The following RARB variants were observed in gnomAD, a reference collection of about 807,000 sequenced individuals.
The protein encoded by RARB is HBV-activated protein.
A neutral mutation model predicts 51.9 loss-of-function variants in RARB; 17 were observed. The ratio of observed to expected loss-of-function variants is 0.33; its 90% CI spans 0.22 to 0.49. The LOEUF is 0.49. RARB is among the 20% of genes least tolerant of loss of function. The probability of loss-of-function intolerance (pLI) is 0.99; values close to 1 mark genes in which losing one functional copy is unlikely to be tolerated. For missense variants in RARB, 369 were observed against 550.8 expected (o/e 0.67, Z 3.30); for synonymous variants, 215 against 195.4 (o/e 1.10, Z -0.84).
intron 5 of RARB, among the ~76,000 whole-genome samples, chr3:25,330,579 T>C: frequency 6.6e-6 from 1 of 152,100 alleles, no homozygotes; most frequent in East Asian, 1.9e-4. Flanking sequence ...GTAAAGACTA[T>C]CAATTCTAGG....
At chr3:24,858,004 A>G (rs576601607) in intron 1 of RARB, among the ~76,000 whole-genome samples, 1 of 152,324 alleles carries the variant, frequency 6.6e-6, no homozygotes, top group South Asian at 2.1e-4. Context: ...GAGGCAAGTT[A>G]TTTAGCTTCC....
chr3:24,902,652 C>G (rs1412868915), intron 2 of RARB, among the ~76,000 whole-genome samples: 1 of 151,944 alleles, frequency 6.6e-6, no homozygotes, highest in African/African-American at 2.4e-5. Flanking sequence ...AAAGAATGCT[C>G]TGGTCTCTGT....
intron 2 of RARB, among the ~76,000 whole-genome samples, chr3:25,467,422 C>A (rs1695486330): frequency 6.6e-6 from 1 of 152,156 alleles, no homozygotes; most frequent in South Asian, 2.1e-4. Flanking sequence ...TCCTCTCCCC[C>A]TGTTGTTGCT....
At chr3:25,252,851 T>C (rs1443342757) in intron 5 of RARB, among the ~76,000 whole-genome samples, 1 of 152,126 alleles carries the variant, frequency 6.6e-6, no homozygotes, top group Non-Finnish European at 1.5e-5. Context: ...AAAGTGTGAG[T>C]CATGACTTAT....
At chr3:25,003,301 A>T (rs1697205746) in intron 2 of RARB, among the ~76,000 whole-genome samples, 1 of 152,154 alleles carries the variant, frequency 6.6e-6, no homozygotes, top group Non-Finnish European at 1.5e-5. Context: ...GGAAGGAAAC[A>T]TCAGACCAGC....
rs1312322437 is a variant in RARB at position 25,041,622 on chromosome 3, TG to T, written c.-379-18502del. ...TAACACATAATTCTCCAGCTAAGAA[TG>T]TTTTTTTTTAATCACTGCTCTTATC... On this transcript the variant is annotated intron_variant, in intron 2 of 11. Coordinates refer to the RARB transcript ENST00000383772. Among the ~76,000 whole-genome samples, 7 of 152,040 alleles carry T rather than the reference TG, an allele frequency of 4.6e-5. 1 individual carries two copies. Among genetic ancestry groups the T allele is most frequent in the South Asian group, 4.2e-4 (2 of 4,808 alleles).
At chr3:25,443,130 G>A (rs1478694170) in intron 1 of RARB, among the ~76,000 whole-genome samples, 1 of 152,160 alleles carries the variant, frequency 6.6e-6, no homozygotes, top group Non-Finnish European at 1.5e-5. Flanking sequence ...GTGTAGTTCA[G>A]TGAAAACGAA....
In RARB at chr3:24,911,912, G is replaced by A. The variant is rs192263204; in HGVS notation, c.-380+53160G>A. ...TGTGATATTCTCTCAGAAAGGCTAG[G>A]ACTGTGCCCATGTAAAAAGAATGAA... On this transcript the variant is annotated intron_variant, in intron 2 of 11. Coordinates refer to the RARB transcript ENST00000383772. 5.3e-5 allele frequency among the ~76,000 whole-genome samples: 8 copies of A among 152,304 alleles called. No homozygotes were observed. In the East Asian group the frequency reaches 1.5e-3, roughly 29 times the overall value.
At chr3:25,484,591 T>C (rs985787409) in intron 2 of RARB, among the ~76,000 whole-genome samples, 1 of 152,196 alleles carries the variant, frequency 6.6e-6, no homozygotes, top group South Asian at 2.1e-4. Context: ...AAAAAATTAA[T>C]ATAACATATG....
intron 3 of RARB, among the ~76,000 whole-genome samples, chr3:25,122,365 C>T (rs1297936898): frequency 2.0e-5 from 3 of 151,786 alleles, no homozygotes; most frequent in African/African-American, 7.3e-5. Context: ...TCAGGACATA[C>T]TAAGTTTTTT....
chr3:25,426,557 C>T (rs187026058), upstream of RARB, among the ~76,000 whole-genome samples: 25 of 152,328 alleles, frequency 1.6e-4, no homozygotes, highest in East Asian at 5.8e-4. Context: ...TTAAAAGGCC[C>T]GGATGCCAAT....
At chr3:24,955,432 T>G (rs1695992604) in intron 2 of RARB, among the ~76,000 whole-genome samples, 1 of 152,150 alleles carries the variant, frequency 6.6e-6, no homozygotes, top group Admixed American at 6.5e-5. Context: ...CTGTTCCCAT[T>G]TAGGGCTGTG....
chr3:25,063,067 C>A (rs1263739459), intron 3 of RARB, among the ~76,000 whole-genome samples: 3 of 151,830 alleles, frequency 2.0e-5, no homozygotes, highest in Non-Finnish European at 4.4e-5. Flanking sequence ...TTCTGAGATG[C>A]TTCTTAGAGA....
intron 3 of RARB, among the ~76,000 whole-genome samples, chr3:25,067,139 G>A (rs796637556): frequency 2.0e-5 from 3 of 152,266 alleles, no homozygotes; most frequent in African/African-American, 7.2e-5. Context: ...GATCACGGGT[G>A]AGCACCTGGT....
chr3:25,024,346 C>G (rs562540461), intron 2 of RARB, among the ~76,000 whole-genome samples: 1 of 152,200 alleles, frequency 6.6e-6, no homozygotes, highest in South Asian at 2.1e-4. Flanking sequence ...TACTTAGAAA[C>G]TATTTCTGAG....
chr3:25,321,870 A>C (rs1041691503), intron 5 of RARB, among the ~76,000 whole-genome samples: 1 of 92,270 alleles, frequency 1.1e-5, no homozygotes, highest in African/African-American at 5.0e-5. Flanking sequence ...TCTAAAATTT[A>C]AAAAAAAAAA....
intron 2 of RARB, among the ~76,000 whole-genome samples, chr3:24,894,124 C>T (rs752152032): frequency 3.9e-5 from 6 of 152,144 alleles, no homozygotes; most frequent in South Asian, 4.1e-4. Context: ...TTTATAATTT[C>T]GACTTTTCTC....
At chr3:24,901,778 G>C (rs982324534) in intron 2 of RARB, among the ~76,000 whole-genome samples, 1 of 152,136 alleles carries the variant, frequency 6.6e-6, no homozygotes, top group Non-Finnish European at 1.5e-5. Context: ...CCTCTGAGCT[G>C]TCGCTTCTTA....
intron 5 of RARB, among the ~76,000 whole-genome samples, chr3:25,243,193 T>C (rs1361596645): frequency 6.6e-6 from 1 of 152,206 alleles, no homozygotes; most frequent in Non-Finnish European, 1.5e-5. Context: ...ACTTATCAGC[T>C]TAAGGAGTTC....
Sources: allele counts gnomAD v4.1 joint callset (sites outside exome capture counted in the v4.1 genomes callset), GRCh38; gene constraint gnomAD v4.1.1; transcripts MANE v1.5; gene names NCBI Gene and HGNC (gene_info 2026-07-23, HGNC 2026-07-21).